Variants in SMYD3 observed in about 807,000 individuals in gnomAD.
SMYD3 encodes the protein histone-lysine N-methyltransferase SMYD3.
A neutral mutation model predicts 57.7 loss-of-function variants in SMYD3; 36 were observed. The observed-to-expected ratio is 0.62, with a 90% CI of 0.48 to 0.82. The LOEUF is 0.82. SMYD3 is among the 40% of genes least tolerant of loss of function. The pLI is 0.00. For synonymous variants in SMYD3, 211 were observed against 195.0 expected (o/e 1.08, Z -0.68); for missense variants, 515 against 538.8 (o/e 0.96, Z 0.44).
chr1:245,766,126 T>C (rs2148064969), intron 10 of SMYD3, among the ~76,000 whole-genome samples: 2 of 152,022 alleles, frequency 1.3e-5, no homozygotes, highest in Middle Eastern at 6.8e-3. Flanking sequence ...GAAAAGGGGC[T>C]GGGCGCGGCG....
chr1:245,765,494 C>T (rs149248553), intron 10 of SMYD3, among the ~76,000 whole-genome samples: 146 of 152,234 alleles, frequency 9.6e-4, no homozygotes, highest in African/African-American at 3.3e-3. Flanking sequence ...CATGATTTAG[C>T]GCCCAAATAA....
intron 8 of SMYD3, among the ~76,000 whole-genome samples, chr1:245,901,355 C>T (rs1045075345): frequency 2.0e-5 from 3 of 152,150 alleles, no homozygotes; most frequent in African/African-American, 7.2e-5. Context: ...GTGAGGTAAA[C>T]ATTCTTCCAA....
chr1:246,146,900 AT>A (rs2061851914), intron 5 of SMYD3, among the ~76,000 whole-genome samples: 3 of 152,158 alleles, frequency 2.0e-5, no homozygotes, highest in Admixed American at 1.3e-4. Context: ...GTGTCGTCCA[AT>A]CACTGCAGCA....
chr1:246,489,104 T>A (rs2068231105), intron 1 of SMYD3, among the ~76,000 whole-genome samples: 1 of 152,008 alleles, frequency 6.6e-6, no homozygotes, highest in African/African-American at 2.4e-5. Flanking sequence ...CCCAGCACTG[T>A]GGGAGGCCGA....
intron 5 of SMYD3, among the ~76,000 whole-genome samples, chr1:246,136,094 A>G (rs1013488085): frequency 6.6e-6 from 1 of 152,198 alleles, no homozygotes; most frequent in Admixed American, 6.5e-5. Context: ...GAAATCTTCA[A>G]GTACACCAGG....
intron 10 of SMYD3, among the ~76,000 whole-genome samples, chr1:245,833,021 A>G (rs2049923053): frequency 6.9e-6 from 1 of 145,622 alleles, no homozygotes; most frequent in Non-Finnish European, 1.5e-5. Context: ...GACATTTGGC[A>G]ATCTCTGTTG....
At chr1:246,031,737 G>GGAA (rs573285887) in intron 5 of SMYD3, among the ~76,000 whole-genome samples, 1 of 136,816 alleles carries the variant, frequency 7.3e-6, no homozygotes, top group Non-Finnish European at 1.6e-5. Context: ...ACTTTGTCTC[G>GGAA]AAAAAAAAAA....
intron 5 of SMYD3, among the ~76,000 whole-genome samples, chr1:246,099,943 C>G (rs2060979966): frequency 6.6e-6 from 1 of 152,196 alleles, no homozygotes. Flanking sequence ...AAAGGAAAAA[C>G]TGGAGTGGGC....
chr1:245,947,956 T>C (rs373950531), intron 5 of SMYD3, among the ~76,000 whole-genome samples: 3 of 152,202 alleles, frequency 2.0e-5, no homozygotes, highest in African/African-American at 4.8e-5. Flanking sequence ...GATTCTTTAC[T>C]TGGCCAAATT....
chr1:246,319,271 C>G (rs186755717), intron 5 of SMYD3, among the ~76,000 whole-genome samples: 1 of 152,332 alleles, frequency 6.6e-6, no homozygotes, highest in East Asian at 1.9e-4. Flanking sequence ...GCTAAGTATT[C>G]TAGCAGCTGT....
intron 5 of SMYD3, among the ~76,000 whole-genome samples, chr1:246,131,911 G>A (rs1378812881): frequency 7.2e-6 from 1 of 139,346 alleles, no homozygotes; most frequent in East Asian, 2.4e-4. Flanking sequence ...AGACTATAAT[G>A]TTTAAATGAG....
chr1:246,432,011 T>C (rs1381131541), intron 1 of SMYD3, among the ~76,000 whole-genome samples: 1 of 152,192 alleles, frequency 6.6e-6, no homozygotes, highest in African/African-American at 2.4e-5. Context: ...GTCTGGCAAC[T>C]CAATAGACAT....
At chr1:246,367,145 G>C (rs2066117573) in intron 1 of SMYD3, among the ~76,000 whole-genome samples, 1 of 152,122 alleles carries the variant, frequency 6.6e-6, no homozygotes, top group African/African-American at 2.4e-5. Context: ...TACCTAAATT[G>C]TAACGATTTT....
chr1:246,480,871 T>C (rs1162696969), intron 1 of SMYD3, among the ~76,000 whole-genome samples: 2 of 152,116 alleles, frequency 1.3e-5, no homozygotes, highest in Non-Finnish European at 2.9e-5. Flanking sequence ...CAATCTCGGC[T>C]CACTGCAACC....
intron 2 of SMYD3, among the ~76,000 whole-genome samples, chr1:246,342,682 G>A (rs1375978503): frequency 1.3e-5 from 2 of 152,166 alleles, no homozygotes; most frequent in Non-Finnish European, 2.9e-5. Context: ...CTTCTCACTA[G>A]TCTTAATCAA....
intron 1 of SMYD3, among the ~76,000 whole-genome samples, chr1:246,481,456 C>T (rs2068099117): frequency 6.6e-6 from 1 of 150,778 alleles, no homozygotes; most frequent in African/African-American, 2.4e-5. Context: ...TCTCTGATTA[C>T]TTGAGCTGAG....
At chr1:246,488,081 A>T (rs1204164114) in intron 1 of SMYD3, among the ~76,000 whole-genome samples, 1 of 152,190 alleles carries the variant, frequency 6.6e-6, no homozygotes, top group Non-Finnish European at 1.5e-5. Context: ...CTCATTCATT[A>T]AATCCTGCTC....
intron 5 of SMYD3, chr1:246,326,901 G>T: frequency 5.0e-6 from 2 of 399,896 alleles, no homozygotes; most frequent in Admixed American, 4.4e-5. Context: ...AAAATAATGG[G>T]ATATGCTATT....
At chr1:246,347,744 C>T (rs565358493) in intron 2 of SMYD3, among the ~76,000 whole-genome samples, 2 of 152,234 alleles carry the variant, frequency 1.3e-5, no homozygotes, top group South Asian at 4.2e-4. Flanking sequence ...AAGGCCCTCA[C>T]TACATATAGC....
Sources: allele counts gnomAD v4.1 joint callset (sites outside exome capture counted in the v4.1 genomes callset), GRCh38; gene constraint gnomAD v4.1.1; transcripts MANE v1.5; gene names NCBI Gene and HGNC (gene_info 2026-07-23, HGNC 2026-07-21).